The following PARD3 variants were observed in gnomAD, a reference collection of about 807,000 sequenced individuals.
PARD3 encodes the protein partitioning defective 3 homolog.
In PARD3, 75 loss-of-function variants were observed where a neutral mutation model predicts 155.4. That is an observed-to-expected ratio of 0.48 (90% CI 0.40 to 0.58). PARD3 has a LOEUF of 0.58. Ranked by LOEUF, PARD3 falls within the 20% of genes least tolerant of loss-of-function variation. The probability of loss-of-function intolerance (pLI) is 0.00; values close to 1 mark genes in which losing one functional copy is unlikely to be tolerated. For missense variants in PARD3, 1,642 were observed against 1,721.7 expected (o/e 0.95, Z 0.82); for synonymous variants, 576 against 610.5 (o/e 0.94, Z 0.83).
intron 5 of PARD3, among the ~76,000 whole-genome samples, chr10:34,406,700 G>A (rs905460266): frequency 4.6e-5 from 7 of 151,772 alleles, no homozygotes; most frequent in Admixed American, 2.6e-4. Context: ...GCTCAGGTCT[G>A]ATACTTTTGA....
At chr10:34,651,023 A>C (rs2092997999) in intron 2 of PARD3, among the ~76,000 whole-genome samples, 2 of 47,990 alleles carry the variant, frequency 4.2e-5, no homozygotes, top group South Asian at 7.6e-4. Context: ...AAAAAAAAAA[A>C]AAAAAAAAAA....
Position 34,231,636 on chromosome 10 carries a change from T to C in PARD3, c.3419+38021A>G, listed in dbSNP as rs566297183. Among the ~76,000 whole-genome samples the C allele has an allele frequency of 3.9e-5, 6 of 152,136 alleles. No homozygotes were observed. The South Asian group carries it at 1.2e-3, about 32-fold the overall frequency. ...ACATGGACAGATTTGCTTTAAATCT[T>C]CATCTTTTTTTTTTCTCTCTTGAAG... On this transcript the variant is annotated intron_variant, in intron 22 of 24. Coordinates refer to ENST00000374788, the MANE Select transcript of PARD3 (RefSeq NM_001184785.2).
intron 22 of PARD3, among the ~76,000 whole-genome samples, chr10:34,188,231 G>A (rs940314182): frequency 6.6e-5 from 10 of 152,082 alleles, no homozygotes; most frequent in African/African-American, 2.4e-4. Flanking sequence ...TCTTTTGTTT[G>A]GTATTTAAAG....
chr10:34,768,381 G>C (rs1424882354), intron 1 of PARD3, among the ~76,000 whole-genome samples: 1 of 151,986 alleles, frequency 6.6e-6, no homozygotes, highest in South Asian at 2.1e-4. Flanking sequence ...GGGACAACTC[G>C]AAGCAAAGGC....
intron 3 of PARD3, among the ~76,000 whole-genome samples, chr10:34,499,545 A>G (rs1392284689): frequency 6.6e-6 from 1 of 151,608 alleles, no homozygotes; most frequent in Non-Finnish European, 1.5e-5. Context: ...ATATTTCCTC[A>G]GTGTAAAAAA....
At chr10:34,398,276 T>C (rs1293548467) in intron 7 of PARD3, among the ~76,000 whole-genome samples, 1 of 152,140 alleles carries the variant, frequency 6.6e-6, no homozygotes, top group African/African-American at 2.4e-5. Context: ...ATTGTTCAAA[T>C]ACTCATTTAA....
chr10:34,117,411 G>A (rs930383533), intron 24 of PARD3, among the ~76,000 whole-genome samples: 2 of 152,104 alleles, frequency 1.3e-5, no homozygotes, highest in South Asian at 2.1e-4. Context: ...CCCTTCCGAT[G>A]GAATGCAGCC....
chr10:34,406,971 A>C (rs959899355), intron 5 of PARD3, among the ~76,000 whole-genome samples: 1 of 152,178 alleles, frequency 6.6e-6, no homozygotes, highest in African/African-American at 2.4e-5. Context: ...GGGAACAAGA[A>C]ACCAGAAGCA....
At chr10:34,212,548 C>A (rs1040803698) in intron 22 of PARD3, among the ~76,000 whole-genome samples, 15 of 152,070 alleles carry the variant, frequency 9.9e-5, no homozygotes, top group Non-Finnish European at 1.6e-4. Context: ...GGAAATAACT[C>A]CCAATGTGTC....
intron 3 of PARD3, among the ~76,000 whole-genome samples, chr10:34,504,269 A>C (rs2080903202): frequency 1.3e-5 from 2 of 151,974 alleles, no homozygotes; most frequent in Admixed American, 1.3e-4. Context: ...GCTGTGAGCC[A>C]CCAGGTACAG....
rs138823049 is a variant in PARD3, at chr10:34,420,996, G to A, written c.715-19079C>T. Among the ~76,000 whole-genome samples the A allele has an allele frequency of 2.2e-3, 334 of 152,216 alleles. 11 individuals carry two copies. The East Asian group carries it at 0.06, about 27-fold the overall frequency. ...GTTTGAGACCAGCCCAGGCAACATT[G>A]CAAGGCCTCATCTCTACAAATAAAA... On this transcript the variant is annotated intron_variant, in intron 5 of 24. Transcript: ENST00000374788.
chr10:34,460,446 CA>C (rs1301523029), intron 4 of PARD3, among the ~76,000 whole-genome samples: 1 of 152,146 alleles, frequency 6.6e-6, no homozygotes, highest in African/African-American at 2.4e-5. Flanking sequence ...TATCATTTAA[CA>C]GCTGGTTGAA....
At chr10:34,665,906 A>AGAACAGAACAGAACAGAACAG (rs1554804216) in intron 2 of PARD3, among the ~76,000 whole-genome samples, 5 of 147,236 alleles carry the variant, frequency 3.4e-5, no homozygotes, top group African/African-American at 5.1e-5. Context: ...AGAACAGAAC[A>AGAACAGAACAGAACAGAACAG]AAAAGAAAAG....
intron 12 of PARD3, among the ~76,000 whole-genome samples, chr10:34,361,386 T>C (rs1429005277): frequency 6.6e-6 from 1 of 152,220 alleles, no homozygotes; most frequent in African/African-American, 2.4e-5. Flanking sequence ...GAATAAGAAA[T>C]ACAGTGGTAC....
At chr10:34,766,625 A>G (rs978856298) in intron 1 of PARD3, among the ~76,000 whole-genome samples, 48 of 151,510 alleles carry the variant, frequency 3.2e-4, no homozygotes, top group Admixed American at 2.6e-3. Flanking sequence ...GACAAAAAAA[A>G]AAAAAAAAAA....
At chr10:34,642,688 G>C (rs534937385) in intron 2 of PARD3, among the ~76,000 whole-genome samples, 1 of 151,960 alleles carries the variant, frequency 6.6e-6, no homozygotes, top group Non-Finnish European at 1.5e-5. Flanking sequence ...TACCTAGACG[G>C]CCCCCTCCCC....
At position 34,331,122 on chromosome 10, in the gene PARD3, T is replaced by A. The variant is rs1161183466; in HGVS notation, c.2828A>T (p.Glu943Val). The A allele has an allele frequency of 6.2e-7, 1 of 1,611,602 alleles. No individual in the cohort carries two copies. Among genetic ancestry groups the A allele is most frequent in the Non-Finnish European group, 8.5e-7 (1 of 1,177,738 alleles). ...PAVDDDDEGM[E>V]TLEEDTEESS... ...TTCAGCCATTATAAACTTACAGGTC[T>A]CCATGCCTTCATCATCATCATCTAC... Residue 943 changes from glutamate to valine, a missense_variant, in exon 19 of 25, where the codon GAG becomes GTG. Around this residue, in one of 3 missense-constraint regions of PARD3, gnomAD observed 1,529 missense variants for 1,587.3 expected, o/e 0.96. Transcript: ENST00000374788.
intron 2 of PARD3, among the ~76,000 whole-genome samples, chr10:34,632,729 C>G (rs2092319686): frequency 6.6e-6 from 1 of 152,190 alleles, no homozygotes; most frequent in African/African-American, 2.4e-5. Context: ...AAATACAAAG[C>G]ATTAGTAGCG....
Position 34,479,531 on chromosome 10 carries a change from G to A in PARD3, c.404-9268C>T, listed in dbSNP as rs147004143. Among the ~76,000 whole-genome samples the A allele has an allele frequency of 2.6e-5, 4 of 151,982 alleles. No individual in the cohort carries two copies. The East Asian group carries it at 7.7e-4, about 29-fold the overall frequency. ...CCAGTTGCAAATTCTCAATGTCAAG[G>A]CCTGCCGCAATCGAGACTTAGGGTA... is the stretch of plus-strand genomic sequence containing the variant. On this transcript the variant is annotated intron_variant, in intron 3 of 24. Coordinates refer to ENST00000374788, the MANE Select transcript of PARD3 (RefSeq NM_001184785.2).
Sources: gnomAD v4.1 joint callset for allele counts (sites outside exome capture counted in the v4.1 genomes callset) on GRCh38, gnomAD v4.1.1 for gene constraint, gnomAD v4.1.1 regional missense constraint, MANE v1.5 for transcripts, NCBI Gene and HGNC (gene_info 2026-07-23, HGNC 2026-07-21) for gene names.